HNRNPA2B1: variants seen among roughly 807,000 people sequenced by gnomAD.
The protein encoded by HNRNPA2B1 is heterogeneous nuclear ribonucleoprotein A2/B1, also known as heterogeneous nuclear ribonucleoproteins A2/B1.
HNRNPA2B1 carries 3 observed loss-of-function variants against 46.3 expected under a neutral mutation model. The ratio of observed to expected loss-of-function variants is 0.06; its 90% CI spans 0.03 to 0.17. The LOEUF (loss-of-function observed/expected upper bound fraction) is 0.17. Ranked by LOEUF, HNRNPA2B1 falls within the 10% of genes least tolerant of loss-of-function variation. The pLI, the probability that HNRNPA2B1 is intolerant of heterozygous loss-of-function variation, is 1.00. For synonymous variants in HNRNPA2B1, 225 were observed against 133.8 expected (o/e 1.68, Z -4.70); for missense variants, 221 against 418.9 (o/e 0.53, Z 4.12).
At chr7:26,196,770 C>G (rs1257845970) in intron 4 of HNRNPA2B1, 37 bp downstream of exon 4, 2 of 1,590,700 alleles carry the variant, frequency 1.3e-6, no homozygotes, top group African/African-American at 2.7e-5. Flanking sequence ...ATTGAATACA[C>G]TGGAAAAAAA....
Position 26,192,460 on chromosome 7 carries a change from G to A in HNRNPA2B1, c.*21+35C>T, listed in dbSNP as rs1301530516. The A allele has an allele frequency of 1.2e-5, 17 of 1,397,850 alleles. No individual in the cohort carries two copies. The African/African-American group carries it at 1.4e-4, about 12-fold the overall frequency. 86.6% of individuals were successfully genotyped at this position (1,397,850 alleles called of 1,614,324 possible). On this transcript the variant is annotated intron_variant, in intron 10 of 10. Transcript: ENST00000618183. The stretch of plus-strand genomic sequence containing the variant: ...TTACTCCTGCAGCTATGTCTCCCAA[G>A]ATAATAATAATTGTAAAACTCAAAA...
rs1782911184 is a variant in HNRNPA2B1, at chr7:26,191,419, T to TA, written c.*940dup. On this transcript the variant is annotated 3_prime_UTR_variant, in exon 11 of 11. Coordinates refer to ENST00000618183, the MANE Select transcript of HNRNPA2B1 (RefSeq NM_002137.4). ...AAGAAAGGAAAAGTAAATAAGATCT[T>TA]ACCTAAAGAAGTTTAACTGAAGCTT... 6.6e-6 allele frequency: 1 copy of TA among 152,204 alleles called. No individual in the cohort carries two copies. The highest frequency in any genetic ancestry group is 6.5e-5 in the Admixed American group (1 of 15,274). 9.4% of individuals were successfully genotyped at this position (152,204 alleles called of 1,614,324 possible).
chr7:26,197,043 A>T, intron 3 of HNRNPA2B1, 26 bp from the exon 4 acceptor site: 1 of 1,555,402 alleles, frequency 6.4e-7, no homozygotes, highest in South Asian at 1.1e-5. Flanking sequence ...GGTAAAAGTC[A>T]TCCAAACAGA....
At chr7:26,197,135 A>T (rs1243524926) in intron 3 of HNRNPA2B1, 118 bp from the exon 4 acceptor site, 2 of 1,111,742 alleles carry the variant, frequency 1.8e-6, no homozygotes, top group Admixed American at 4.6e-5. Flanking sequence ...CAGATATAAA[A>T]TAGCTTTTAG....
rs1414252346 is a variant in HNRNPA2B1 at position 26,191,507 on chromosome 7, G to A, written c.*853C>T. On this transcript the variant is annotated 3_prime_UTR_variant, in exon 11 of 11. Coordinates refer to ENST00000618183, the MANE Select transcript of HNRNPA2B1 (RefSeq NM_002137.4). ...ATCCTTATAAACTACTGTAGTTAAA[G>A]TTTTGTAGAAACAGCACAGTTTTTT... is the stretch of plus-strand genomic sequence containing the variant. 2 of 152,154 alleles carry A rather than the reference G, an allele frequency of 1.3e-5. No individual in the cohort carries two copies. Among genetic ancestry groups the A allele is most frequent in the Admixed American group, 1.3e-4 (2 of 15,276 alleles). 9.4% of individuals were successfully genotyped at this position (152,154 alleles called of 1,614,324 possible). A position where few individuals can be genotyped will look rare whatever the true frequency, so the allele number is the denominator to read the frequency against.
chr7:26,199,017 A>G (rs923080630), intron 1 of HNRNPA2B1: 2 of 152,230 alleles, frequency 1.3e-5, no homozygotes, highest in Admixed American at 1.3e-4. Context: ...TGAGACACAA[A>G]GCAGTCTTTT....
chr7:26,192,240 A>T lies in HNRNPA2B1; in HGVS notation c.*120T>A, dbSNP rs1052496869. On this transcript the variant is annotated 3_prime_UTR_variant, in exon 11 of 11. Transcript: ENST00000618183. ...CTGCCATATCACTGCATATTTATGC[A>T]TGACTGAGATAAGAGTTTCCTTAAC... The T allele has an allele frequency of 2.6e-6, 1 of 383,762 alleles. No homozygotes were observed. The highest frequency in any genetic ancestry group is 4.8e-6 in the Non-Finnish European group (1 of 210,462). The allele number at this position is 383,762 out of a possible 1,614,324, so 23.8% of individuals were successfully genotyped here.
At chr7:26,192,411 A>C in intron 10 of HNRNPA2B1, 73 bp from the exon 11 acceptor site, 1 of 893,774 alleles carries the variant, frequency 1.1e-6, no homozygotes, top group South Asian at 1.4e-5. Flanking sequence ...TTTTAAGGAA[A>C]GATAACATGA....
At chr7:26,198,716 TAAC>T (rs1783976100) in intron 1 of HNRNPA2B1, 1 of 152,232 alleles carries the variant, frequency 6.6e-6, no homozygotes, top group Non-Finnish European at 1.5e-5. Context: ...TCTTAAAAGT[TAAC>T]TAGGTTAAAA....
rs557773777 is a variant in HNRNPA2B1, at chr7:26,190,225, C to T, written c.*2135G>A. 6.6e-6 allele frequency: 1 copy of T among 152,608 alleles called. No homozygotes were observed. The highest frequency in any genetic ancestry group is 1.5e-5 in the Non-Finnish European group (1 of 68,018). 9.5% of individuals were successfully genotyped at this position (152,608 alleles called of 1,614,324 possible). Reference sequence around the variant, plus strand: ...AATTTAAAACATGATACATTTATCTCTCTAGCCAATTTGATGTTACTGTTT... The same window carrying T: ...AATTTAAAACATGATACATTTATCTTTCTAGCCAATTTGATGTTACTGTTT... On this transcript the variant is annotated 3_prime_UTR_variant, in exon 11 of 11. Transcript: ENST00000618183.
Position 26,193,351 on chromosome 7 carries a change from G to GT in HNRNPA2B1, c.863dup (p.Tyr288Ter). ...YGGGNYGSGN[Y>*]NDFGNYNQQP... is the part of the protein sequence containing the mutation. ...GCTGGTTATAATTTCCAAAATCATT[G>GT]TAATTTCCACTTCCATAATTTCCTA... The change falls in exon 9 of 11, where the codon TAC (tyrosine) becomes TAAC (stop). Residue 288 changes from tyrosine to a stop codon, truncating the protein, a stop_gained and frameshift_variant. Coordinates refer to ENST00000618183, the MANE Select transcript of HNRNPA2B1 (RefSeq NM_002137.4). LOFTEE classifies it high-confidence loss of function. 6.2e-7 allele frequency: 1 copy of GT among 1,611,092 alleles called. No individual in the cohort carries two copies. Among genetic ancestry groups the GT allele is most frequent in the Non-Finnish European group, 8.5e-7 (1 of 1,177,472 alleles).
rs1181808585 is a variant in HNRNPA2B1 at position 26,197,879 on chromosome 7, A to G, written c.7-147T>C. The stretch of plus-strand genomic sequence containing the variant: ...TTTCTAAAGTTTTCTGGGGGGAAAA[A>G]AAAAACTTACATCAAATTTAAACCA... On this transcript the variant is annotated intron_variant, in intron 1 of 10. Coordinates refer to ENST00000618183, the MANE Select transcript of HNRNPA2B1 (RefSeq NM_002137.4). 6.3e-7 allele frequency: 1 copy of G among 1,580,472 alleles called. No individual in the cohort carries two copies. The highest frequency in any genetic ancestry group is 1.9e-5 in the Admixed American group (1 of 52,564).
intron 7 of HNRNPA2B1, 110 bp downstream of exon 7, chr7:26,195,737 T>C: frequency 8.1e-7 from 1 of 1,241,240 alleles, no homozygotes; most frequent in South Asian, 1.5e-5. Flanking sequence ...CCAAGCCATT[T>C]ATAGACACTA....
At chr7:26,198,335 G>A (rs1280026296) in intron 1 of HNRNPA2B1, 1 of 152,694 alleles carries the variant, frequency 6.5e-6, no homozygotes. Context: ...TCTCAGTTAC[G>A]AAAATATTTA....
At chr7:26,198,954 T>C (rs377261520) in intron 1 of HNRNPA2B1, 11 of 152,338 alleles carry the variant, frequency 7.2e-5, no homozygotes, top group African/African-American at 2.6e-4. Flanking sequence ...GTAGTTTTCA[T>C]GACTCGTAAA....
At position 26,190,631 on chromosome 7, in the gene HNRNPA2B1, A is replaced by T. The variant is rs1782796886; in HGVS notation, c.*1729T>A. 6.6e-6 allele frequency: 1 copy of T among 152,220 alleles called. No homozygotes were observed. Among genetic ancestry groups the T allele is most frequent in the Admixed American group, 6.5e-5 (1 of 15,290 alleles). 9.4% of individuals were successfully genotyped at this position (152,220 alleles called of 1,614,324 possible). On this transcript the variant is annotated 3_prime_UTR_variant, in exon 11 of 11. Coordinates refer to ENST00000618183, the MANE Select transcript of HNRNPA2B1 (RefSeq NM_002137.4). The stretch of plus-strand genomic sequence containing the variant: ...AAAGCCGGGCAATCAAACTGATCAT[A>T]TCTAAGGAATGAATTTCAACAGCCA...
At chr7:26,196,752 T>A (rs1783690277) in intron 4 of HNRNPA2B1, 55 bp downstream of exon 4, 2 of 1,566,060 alleles carry the variant, frequency 1.3e-6, no homozygotes, top group Admixed American at 1.7e-5. Context: ...GATGTTAACA[T>A]ACACAAAATT....
chr7:26,195,971 C>A (rs1783561100), intron 6 of HNRNPA2B1, 62 bp from the exon 7 acceptor site: 4 of 1,532,906 alleles, frequency 2.6e-6, no homozygotes, highest in Non-Finnish European at 2.6e-6. Flanking sequence ...TGCTAATATT[C>A]ATTTTCAGTT....
At chr7:26,194,555 A>T (rs939926417) in intron 7 of HNRNPA2B1, among the ~76,000 whole-genome samples, 4 of 151,438 alleles carry the variant, frequency 2.6e-5, no homozygotes, top group Non-Finnish European at 5.9e-5. Flanking sequence ...ACACAAAATT[A>T]GCCGGTCATG....
Sources: allele counts gnomAD v4.1 joint callset (sites outside exome capture counted in the v4.1 genomes callset), GRCh38; gene constraint gnomAD v4.1.1; transcripts MANE v1.5; gene names NCBI Gene and HGNC (gene_info 2026-07-23, HGNC 2026-07-21).